Variants in SH2D3C observed in about 807,000 individuals in gnomAD.
The protein encoded by SH2D3C is SH2 domain-containing protein 3C.
A neutral mutation model predicts 75.2 loss-of-function variants in SH2D3C; 25 were observed. The ratio of observed to expected loss-of-function variants is 0.33; its 90% CI spans 0.24 to 0.46. The LOEUF is 0.46. SH2D3C is among the 20% of genes least tolerant of loss of function. SH2D3C has a pLI of 1.00. For missense variants in SH2D3C, 933 were observed against 1,165.3 expected, an observed-to-expected ratio of 0.80 and a Z score of 2.90; for synonymous variants, 450 against 473.7, an observed-to-expected ratio of 0.95 and a Z score of 0.65.
intron 3 of SH2D3C, chr9:127,755,044 C>A: frequency 9.3e-7 from 1 of 1,076,184 alleles, no homozygotes; most frequent in Non-Finnish European, 1.2e-6. Context: ...GGTCCCAGCC[C>A]GGCGCGCGTG....
chr9:127,774,577 G>A lies in SH2D3C; in HGVS notation c.38-110C>T, dbSNP rs1588528004. On this transcript the variant is annotated intron_variant, in intron 1 of 11. Coordinates refer to ENST00000314830, the MANE Select transcript of SH2D3C (RefSeq NM_170600.3). This position sits in a 1 kb window ranked among gnomAD's most constrained non-coding sequence, Gnocchi z 4.3. ...GGTGAGGGGCTGAAGAGGGCTGGCG[G>A]TTTCCCAGACACCCCTTCTAAAATT... 2 of 660,014 alleles carry A rather than the reference G, an allele frequency of 3.0e-6. No homozygotes were observed. Among genetic ancestry groups the A allele is most frequent in the East Asian group, 2.6e-5 (1 of 38,248 alleles). The allele number at this position is 660,014 out of a possible 1,614,324, so 40.9% of individuals were successfully genotyped here.
Position 127,774,681 on chromosome 9 carries a change from C to T in SH2D3C, c.38-214G>A, listed in dbSNP as rs1845784411. 1.3e-5 allele frequency among the ~76,000 whole-genome samples: 2 copies of T among 152,164 alleles called. No individual in the cohort carries two copies. The highest frequency in any genetic ancestry group is 1.3e-4 in the Admixed American group (2 of 15,276). Reference sequence around the variant, plus strand: ...CTGGACTTGAATTCCTGCTCTTTCACATCCTAGCTGTGTGACCTTAGGCAA... The same window carrying T: ...CTGGACTTGAATTCCTGCTCTTTCATATCCTAGCTGTGTGACCTTAGGCAA... On this transcript the variant is annotated intron_variant, in intron 1 of 11. Coordinates refer to ENST00000314830, the MANE Select transcript of SH2D3C (RefSeq NM_170600.3). The surrounding 1 kb of genome is among the most constrained non-coding windows in gnomAD (Gnocchi z 4.3).
At chr9:127,762,153 G>A in intron 2 of SH2D3C, 1 of 1,169,450 alleles carries the variant, frequency 8.6e-7, no homozygotes, top group African/African-American at 1.6e-5. Context: ...GAGTGACCCA[G>A]TCACGGCCAC....
chr9:127,738,657 C>T lies in SH2D3C; in HGVS notation c.*89G>A, dbSNP rs1400744219. ...GAACCCAGAACATTCTCGGGTTGAT[C>T]ACAGTGTCCTTGGGGTGCTCTGGGG... On this transcript the variant is annotated 3_prime_UTR_variant, in exon 12 of 12. Coordinates refer to ENST00000314830, the MANE Select transcript of SH2D3C (RefSeq NM_170600.3). This position sits in a 1 kb window ranked among gnomAD's most constrained non-coding sequence, Gnocchi z 5.0. 70 of 1,351,234 alleles carry T rather than the reference C, an allele frequency of 5.2e-5. No homozygotes were observed. The highest frequency in any genetic ancestry group is 2.7e-5 in the Admixed American group (1 of 37,600). The allele number at this position is 1,351,234 out of a possible 1,614,324, so 83.7% of individuals were successfully genotyped here.
intron 3 of SH2D3C, chr9:127,755,291 GGGGGAGGAGC>G: frequency 8.8e-7 from 1 of 1,140,806 alleles, no homozygotes; most frequent in Non-Finnish European, 1.1e-6. Flanking sequence ...TCGCCTTGTC[GGGGGAGGAGC>G]GGGGAGGCGG....
intron 2 of SH2D3C, among the ~76,000 whole-genome samples, chr9:127,770,003 A>C (rs952728174): frequency 2.6e-5 from 4 of 152,134 alleles, no homozygotes; most frequent in Admixed American, 6.5e-5. Flanking sequence ...GGCGTGGGGT[A>C]GGGAGTGCTG....
intron 3 of SH2D3C, among the ~76,000 whole-genome samples, chr9:127,753,841 C>A (rs1450843709): frequency 1.3e-5 from 2 of 152,314 alleles, no homozygotes; most frequent in South Asian, 4.1e-4. Context: ...GCTAGAGGGA[C>A]GTGGGCAAAG....
At chr9:127,745,495 G>A (rs1207418371) in intron 6 of SH2D3C, among the ~76,000 whole-genome samples, 1 of 118,702 alleles carries the variant, frequency 8.4e-6, no homozygotes, top group African/African-American at 3.4e-5. Flanking sequence ...TCACTGTCTC[G>A]CTCTGTGGCC....
intron 2 of SH2D3C, among the ~76,000 whole-genome samples, chr9:127,770,918 C>G (rs1482616561): frequency 6.6e-6 from 1 of 152,226 alleles, no homozygotes; most frequent in Non-Finnish European, 1.5e-5. Flanking sequence ...CGCTCACTGG[C>G]TGTGTCAAAC....
At position 127,774,327 on chromosome 9, in the gene SH2D3C, C is replaced by T. The variant is rs751784225; in HGVS notation, c.178G>A (p.Val60Met). The T allele has an allele frequency of 1.2e-6, 2 of 1,613,944 alleles. No individual in the cohort carries two copies. The highest frequency in any genetic ancestry group is 1.7e-6 in the Non-Finnish European group (2 of 1,179,960). The stretch of plus-strand genomic sequence containing the variant: ...GCATAGGCTGGGGGACTCTTGGGCA[C>T]CGTCACCATGTCATCCTGCGTGGCT... ...FEATQDDMVT[V>M]PKSPPAYARS... is the part of the protein sequence containing the mutation. The change falls in exon 2 of 12, where the codon GTG becomes ATG. Residue 60 changes from valine (V) to methionine (M), a missense_variant. Transcript: ENST00000314830. The surrounding 1 kb of genome is among the most constrained non-coding windows in gnomAD (Gnocchi z 4.3).
rs140510163 is a variant in SH2D3C, at chr9:127,757,602, A to AGAT, written c.555+4006_555+4008dup. On this transcript the variant is annotated intron_variant, in intron 3 of 11. Coordinates refer to ENST00000314830, the MANE Select transcript of SH2D3C (RefSeq NM_170600.3). ...ATTACAGGCATGCACCACCATACCC[A>AGAT]GATGATGATGATGATGATGATGATG... Among the ~76,000 whole-genome samples, 131 of 138,410 alleles carry AGAT rather than the reference A, an allele frequency of 9.5e-4. 1 individual carries two copies. Among genetic ancestry groups the AGAT allele is most frequent in the African/African-American group, 2.7e-3 (102 of 37,376 alleles). 90.8% of individuals were successfully genotyped at this position (138,410 alleles called of 152,430 possible). A position where few individuals can be genotyped will look rare whatever the true frequency, so the allele number is the denominator to read the frequency against.
intron 1 of SH2D3C, among the ~76,000 whole-genome samples, chr9:127,775,671 A>C (rs113835437): frequency 6.8e-6 from 1 of 146,224 alleles, no homozygotes; most frequent in African/African-American, 2.5e-5. Context: ...TTAGCTGGAC[A>C]TGCTGGTGTG....
rs1470921127 is a variant in SH2D3C at position 127,774,821 on chromosome 9, G to A, written c.38-354C>T. Among the ~76,000 whole-genome samples the A allele has an allele frequency of 6.6e-6, 1 of 152,224 alleles. No homozygotes were observed. Among genetic ancestry groups the A allele is most frequent in the African/African-American group, 2.4e-5 (1 of 41,450 alleles). ...CAGAAAAGCTTAGGCCAGGCGTGGTGGCTCATGCCTGTAATCCCAGCACTT... is the reference window on the plus strand; with the variant it reads ...CAGAAAAGCTTAGGCCAGGCGTGGTAGCTCATGCCTGTAATCCCAGCACTT... On this transcript the variant is annotated intron_variant, in intron 1 of 11. Transcript: ENST00000314830. The surrounding 1 kb of genome is among the most constrained non-coding windows in gnomAD (Gnocchi z 4.3).
chr9:127,749,131 T>G lies in SH2D3C; in HGVS notation c.1139+80A>C. The G allele has an allele frequency of 9.6e-7, 1 of 1,043,542 alleles. No individual in the cohort carries two copies. Among genetic ancestry groups the G allele is most frequent in the Non-Finnish European group, 1.4e-6 (1 of 716,794 alleles). 64.6% of individuals were successfully genotyped at this position (1,043,542 alleles called of 1,614,324 possible). On this transcript the variant is annotated intron_variant, in intron 5 of 11. Transcript: ENST00000314830. The surrounding 1 kb of genome is among the most constrained non-coding windows in gnomAD (Gnocchi z 5.9). ...TCCAGGAGAGTAATTTCATCCCATT[T>G]CAGTGTACCTAGGCCTTCTCTTTCT...
intron 3 of SH2D3C, among the ~76,000 whole-genome samples, chr9:127,752,212 G>A (rs1308924310): frequency 6.6e-6 from 1 of 152,144 alleles, no homozygotes; most frequent in Non-Finnish European, 1.5e-5. Flanking sequence ...ACGCCCACCA[G>A]AGCCCAGCCC....
At chr9:127,742,001 G>A (rs952405117) in intron 8 of SH2D3C, 42 bp from the exon 9 acceptor site, 2 of 1,554,798 alleles carry the variant, frequency 1.3e-6, no homozygotes, top group African/African-American at 1.4e-5. Context: ...CTCGGGGACA[G>A]GGGTGAGGGG....
intron 8 of SH2D3C, among the ~76,000 whole-genome samples, chr9:127,742,335 T>G (rs1162440614): frequency 6.6e-6 from 1 of 152,202 alleles, no homozygotes; most frequent in East Asian, 1.9e-4. Flanking sequence ...CTCCTGGGTT[T>G]AAGCGATTCT....
rs1845326686 is a variant in SH2D3C at position 127,754,974 on chromosome 9, C to T, written c.556-3674G>A. Reference sequence around the variant, plus strand: ...CGGGCCCAGCCCAGCCCGACCCTGCCGGGCGCCGCTGAGCTGCAGCTCCCC... The same window carrying T: ...CGGGCCCAGCCCAGCCCGACCCTGCTGGGCGCCGCTGAGCTGCAGCTCCCC... On this transcript the variant is annotated intron_variant, in intron 3 of 11. Transcript: ENST00000314830. The surrounding 1 kb of genome is among the most constrained non-coding windows in gnomAD (Gnocchi z 4.4). 1.8e-6 allele frequency: 1 copy of T among 544,232 alleles called. No homozygotes were observed. Among genetic ancestry groups the T allele is most frequent in the Non-Finnish European group, 2.8e-6 (1 of 359,932 alleles). The allele number at this position is 544,232 out of a possible 1,614,324, so 33.7% of individuals were successfully genotyped here. A position where few individuals can be genotyped will look rare whatever the true frequency, so the allele number is the denominator to read the frequency against.
In SH2D3C at chr9:127,754,792, C is replaced by G. The variant is rs567999439; in HGVS notation, c.556-3492G>C. ...CCGGAGACCCCATCTCCCAGTCCCCCCTGCCCCAGCTCTCTCCCTCCTGCG... is the reference window on the plus strand; with the variant it reads ...CCGGAGACCCCATCTCCCAGTCCCCGCTGCCCCAGCTCTCTCCCTCCTGCG... On this transcript the variant is annotated intron_variant, in intron 3 of 11. Transcript: ENST00000314830. This position sits in a 1 kb window ranked among gnomAD's most constrained non-coding sequence, Gnocchi z 4.4. 2.1e-6 allele frequency: 1 copy of G among 479,816 alleles called. No individual in the cohort carries two copies. The highest frequency in any genetic ancestry group is 2.0e-5 in the African/African-American group (1 of 50,336). The allele number at this position is 479,816 out of a possible 1,614,324, so 29.7% of individuals were successfully genotyped here.
Sources: allele counts gnomAD v4.1 joint callset (sites outside exome capture counted in the v4.1 genomes callset), GRCh38; gene constraint gnomAD v4.1.1; non-coding constraint Gnocchi (gnomAD v3.1); transcripts MANE v1.5; gene names NCBI Gene and HGNC (gene_info 2026-07-23, HGNC 2026-07-21).